Variants in HCRTR2 observed in about 807,000 individuals in gnomAD.
HCRTR2 encodes the protein hypocretin receptor 2.
A neutral mutation model predicts 49.0 loss-of-function variants in HCRTR2; 22 were observed. That is an observed-to-expected ratio of 0.45 (90% CI 0.32 to 0.64). The LOEUF (loss-of-function observed/expected upper bound fraction) is 0.64. Ranked by LOEUF, HCRTR2 falls within the 30% of genes least tolerant of loss-of-function variation. HCRTR2 has a pLI of 0.04. For synonymous variants in HCRTR2, 236 were observed against 205.3 expected, an observed-to-expected ratio of 1.15 and a Z score of -1.28; for missense variants, 491 against 559.4, an observed-to-expected ratio of 0.88 and a Z score of 1.23.
intron 1 of HCRTR2, among the ~76,000 whole-genome samples, chr6:55,151,802 A>G (rs1428422195): frequency 1.3e-5 from 2 of 151,920 alleles, no homozygotes; most frequent in Non-Finnish European, 2.9e-5. Flanking sequence ...TTAAAAAAAA[A>G]AACACTTAAA....
intron 1 of HCRTR2, among the ~76,000 whole-genome samples, chr6:55,119,389 C>T (rs1764164513): frequency 6.6e-6 from 1 of 152,134 alleles, no homozygotes; most frequent in Non-Finnish European, 1.5e-5. Context: ...CTAACTTACA[C>T]TGCCACCAAC....
chr6:55,181,112 G>T (rs1014731377), intron 1 of HCRTR2, among the ~76,000 whole-genome samples: 2 of 151,940 alleles, frequency 1.3e-5, no homozygotes, highest in African/African-American at 4.8e-5. Flanking sequence ...GACGTGAACA[G>T]GTCAATTTCT....
In HCRTR2 at chr6:55,192,539, T is replaced by C. The variant is rs555855887; in HGVS notation, c.223+17729T>C. On this transcript the variant is annotated intron_variant, in intron 1 of 6. Coordinates refer to ENST00000370862, the MANE Select transcript of HCRTR2 (RefSeq NM_001384272.1). ...AGGAAGTCGAGGCTACAGTGAGCCG[T>C]GATTCCACCACTGCACTGCAGCCTG... is the stretch of plus-strand genomic sequence containing the variant. 2.8e-4 allele frequency among the ~76,000 whole-genome samples: 42 copies of C among 152,212 alleles called. No individual in the cohort carries two copies. In the South Asian group the frequency reaches 8.5e-3, roughly 31 times the overall value.
chr6:55,182,501 G>A (rs961013335), intron 1 of HCRTR2, among the ~76,000 whole-genome samples: 2 of 152,054 alleles, frequency 1.3e-5, no homozygotes, highest in African/African-American at 4.8e-5. Flanking sequence ...GAGGAAATAC[G>A]GTCTGTTAAC....
intron 3 of HCRTR2, among the ~76,000 whole-genome samples, chr6:55,261,617 CA>C (rs1191660662): frequency 6.6e-6 from 1 of 151,874 alleles, no homozygotes; most frequent in Non-Finnish European, 1.5e-5. Flanking sequence ...ATCAAAAAGC[CA>C]AAAAATTAAG....
intron 4 of HCRTR2, among the ~76,000 whole-genome samples, chr6:55,273,943 C>T (rs1767023489): frequency 6.6e-6 from 1 of 151,740 alleles, no homozygotes; most frequent in South Asian, 2.1e-4. Context: ...TATTATAAAT[C>T]TTGAAATGAG....
intron 2 of HCRTR2, among the ~76,000 whole-genome samples, chr6:55,252,900 T>G (rs1293685064): frequency 2.0e-5 from 3 of 151,990 alleles, no homozygotes; most frequent in Non-Finnish European, 2.9e-5. Context: ...TCATAAGAAA[T>G]AGTAAACACA....
At chr6:55,263,186 T>C (rs1766800696) in intron 3 of HCRTR2, among the ~76,000 whole-genome samples, 1 of 152,074 alleles carries the variant, frequency 6.6e-6, no homozygotes, top group Admixed American at 6.6e-5. Context: ...TCAAAATTTT[T>C]TTCACATTTG....
At chr6:55,213,729 G>A (rs1441129980) in intron 1 of HCRTR2, among the ~76,000 whole-genome samples, 1 of 152,104 alleles carries the variant, frequency 6.6e-6, no homozygotes, top group Admixed American at 6.5e-5. Context: ...TGATGGGGAT[G>A]GGGTGTGGGC....
At chr6:55,269,070 A>G (rs558707678) in intron 4 of HCRTR2, among the ~76,000 whole-genome samples, 3 of 149,034 alleles carry the variant, frequency 2.0e-5, no homozygotes, top group East Asian at 3.9e-4. Flanking sequence ...AGCCTGGGCA[A>G]CAGCAAGACT....
rs915264895 is a variant in HCRTR2, at chr6:55,282,412, A to G, written c.1293A>G (p.Thr431=). The change falls in exon 7 of 7, where the codon ACA becomes ACG. Residue 431 remains threonine, a synonymous_variant. Coordinates refer to ENST00000370862, the MANE Select transcript of HCRTR2 (RefSeq NM_001384272.1). ...SEQVVLTSIS[T]LPAANGAGPL... ...AAGTTGTGCTCACTAGCATAAGCAC[A>G]CTCCCAGCAGCCAATGGAGCAGGAC... is the stretch of plus-strand genomic sequence containing the variant. 5.0e-6 allele frequency: 8 copies of G among 1,611,564 alleles called. No homozygotes were observed. The African/African-American group carries it at 6.7e-5, about 13-fold the overall frequency.
intron 4 of HCRTR2, among the ~76,000 whole-genome samples, chr6:55,270,112 G>C (rs1418980652): frequency 6.6e-6 from 1 of 152,108 alleles, no homozygotes; most frequent in Non-Finnish European, 1.5e-5. Flanking sequence ...AACCACCAAA[G>C]ATCCAGGGAG....
intron 1 of HCRTR2, among the ~76,000 whole-genome samples, chr6:55,155,043 T>C (rs1764712461): frequency 6.6e-6 from 1 of 151,840 alleles, no homozygotes; most frequent in Non-Finnish European, 1.5e-5. Context: ...ACTTGTGTAC[T>C]GAAAACTATA....
At chr6:55,167,445 T>G (rs559623185) in intron 1 of HCRTR2, among the ~76,000 whole-genome samples, 1 of 152,250 alleles carries the variant, frequency 6.6e-6, no homozygotes, top group African/African-American at 2.4e-5. Context: ...AACACATGCC[T>G]TAATGGTTAC....
chr6:55,274,775 T>C (rs1040135828), intron 4 of HCRTR2, among the ~76,000 whole-genome samples: 1 of 152,172 alleles, frequency 6.6e-6, no homozygotes. Context: ...TTTATCTCTA[T>C]TCATGAAGGA....
chr6:55,256,293 T>G (rs1378423348), intron 3 of HCRTR2, among the ~76,000 whole-genome samples: 1 of 152,134 alleles, frequency 6.6e-6, no homozygotes, highest in Admixed American at 6.6e-5. Flanking sequence ...GTTAACATTG[T>G]TTTTTATTAG....
intron 1 of HCRTR2, among the ~76,000 whole-genome samples, chr6:55,168,904 A>G (rs1764912239): frequency 6.6e-6 from 1 of 152,076 alleles, no homozygotes. Flanking sequence ...ATGAGTGCTA[A>G]CATTACTTGT....
intron 1 of HCRTR2, among the ~76,000 whole-genome samples, chr6:55,164,231 C>G (rs563075199): frequency 6.6e-6 from 1 of 152,272 alleles, no homozygotes; most frequent in South Asian, 2.1e-4. Context: ...CCTCAAGGAT[C>G]TAGAACCAGA....
chr6:55,120,436 C>T (rs1237011210), intron 1 of HCRTR2, among the ~76,000 whole-genome samples: 2 of 151,992 alleles, frequency 1.3e-5, no homozygotes, highest in Non-Finnish European at 2.9e-5. Context: ...ATTCCTTGAG[C>T]AGTGGTTTGC....
Sources: gnomAD v4.1 joint callset for allele counts (sites outside exome capture counted in the v4.1 genomes callset) on GRCh38, gnomAD v4.1.1 for gene constraint, MANE v1.5 for transcripts, NCBI Gene and HGNC (gene_info 2026-07-23, HGNC 2026-07-21) for gene names.